The following GRID2 variants were observed in gnomAD, a reference collection of about 807,000 sequenced individuals.
The protein encoded by GRID2 is glutamate receptor ionotropic, delta-2.
Under a neutral mutation model 114.8 loss-of-function variants are expected in GRID2, and 33 were observed. That is an observed-to-expected ratio of 0.29 (90% CI 0.22 to 0.38). GRID2 has a LOEUF of 0.38. GRID2 is among the 10% of genes least tolerant of loss of function. GRID2 has a pLI of 1.00. For synonymous variants in GRID2, 505 were observed against 449.9 expected (o/e 1.12, Z -1.55); for missense variants, 1,184 against 1,257.7 (o/e 0.94, Z 0.89).
At chr4:93,645,679 T>C (rs6856229) in intron 14 of GRID2, among the ~76,000 whole-genome samples, 70,091 of 151,870 alleles carry the variant, frequency 0.46, 17,808 homozygotes, top group African/African-American at 0.68. Context: ...CTAATACATT[T>C]TGTGGACCTC....
chr4:93,220,408 G>A (rs1744737573), intron 6 of GRID2, among the ~76,000 whole-genome samples: 1 of 152,036 alleles, frequency 6.6e-6, no homozygotes, highest in African/African-American at 2.4e-5. Flanking sequence ...GTTCCTAAAG[G>A]CAGAAGATAG....
chr4:92,485,810 T>G (rs1191449679), intron 1 of GRID2, among the ~76,000 whole-genome samples: 1 of 152,212 alleles, frequency 6.6e-6, no homozygotes, highest in Non-Finnish European at 1.5e-5. Flanking sequence ...CTGCTCTGCA[T>G]TAATTTTATG....
intron 2 of GRID2, among the ~76,000 whole-genome samples, chr4:92,988,935 T>A (rs1560773570): frequency 6.6e-6 from 1 of 152,012 alleles, no homozygotes; most frequent in Non-Finnish European, 1.5e-5. Flanking sequence ...CCTATAATAT[T>A]TTAGGTCAAC....
chr4:92,380,760 A>G (rs993544771), intron 1 of GRID2, among the ~76,000 whole-genome samples: 1 of 152,048 alleles, frequency 6.6e-6, no homozygotes, highest in African/African-American at 2.4e-5. Context: ...TTCACTCTTC[A>G]GGGTACAATT....
intron 1 of GRID2, among the ~76,000 whole-genome samples, chr4:93,784,027 C>G (rs112615832): frequency 0.024 from 3,360 of 141,818 alleles, 139 homozygotes; most frequent in African/African-American, 0.085. Context: ...AGCCGAGATC[C>G]CGCCACTGCA....
chr4:92,613,873 G>A (rs556596901), intron 2 of GRID2, among the ~76,000 whole-genome samples: 2 of 149,948 alleles, frequency 1.3e-5, no homozygotes, highest in Non-Finnish European at 3.0e-5. Flanking sequence ...CCTTACTTCT[G>A]TTTAATTTGT....
intron 1 of GRID2, among the ~76,000 whole-genome samples, chr4:92,382,915 G>A (rs115764675): frequency 0.023 from 3,570 of 151,990 alleles, 126 homozygotes; most frequent in African/African-American, 0.081. Context: ...ATAAAGAAAA[G>A]AGGTTTAGTT....
chr4:93,680,026 G>A (rs367821418), intron 14 of GRID2, among the ~76,000 whole-genome samples: 3,126 of 150,902 alleles, frequency 0.021, 101 homozygotes, highest in Non-Finnish European at 0.027. Flanking sequence ...TTGATAGACC[G>A]CTAGCAAGAC....
chr4:92,478,850 A>G lies in GRID2; in HGVS notation c.89-111281A>G, dbSNP rs530326693. 2.0e-3 allele frequency among the ~76,000 whole-genome samples: 303 copies of G among 152,126 alleles called. 1 individual carries two copies. The highest frequency in any genetic ancestry group is 3.1e-3 in the Non-Finnish European group (210 of 68,000). ...TTTCTGTCCACATCTCCCTATCTGA[A>G]ATGTTTGCTAATAAGGTAATTCTGG... On this transcript the variant is annotated intron_variant, in intron 1 of 15. Coordinates refer to ENST00000282020, the MANE Select transcript of GRID2 (RefSeq NM_001510.4).
At chr4:93,345,230 T>G (rs1236164078) in intron 8 of GRID2, among the ~76,000 whole-genome samples, 1 of 152,042 alleles carries the variant, frequency 6.6e-6, no homozygotes, top group Non-Finnish European at 1.5e-5. Context: ...GGGAAACTTT[T>G]TATTGTTTTC....
chr4:92,583,245 T>C (rs1728264717), intron 1 of GRID2, among the ~76,000 whole-genome samples: 1 of 152,050 alleles, frequency 6.6e-6, no homozygotes, highest in South Asian at 2.1e-4. Context: ...GTACAGTTCC[T>C]AGTACTAAAA....
chr4:92,319,864 CCCACCTTGGCT>C (rs1230929826), intron 1 of GRID2, among the ~76,000 whole-genome samples: 4 of 152,124 alleles, frequency 2.6e-5, no homozygotes, highest in Non-Finnish European at 5.9e-5. Context: ...AACAATAGCT[CCCACCTTGGCT>C]GGGTCATTTT....
At chr4:92,959,052 CTCT>C (rs1482311369) in intron 2 of GRID2, among the ~76,000 whole-genome samples, 2 of 143,258 alleles carry the variant, frequency 1.4e-5, no homozygotes, top group Non-Finnish European at 3.0e-5. Context: ...TTTGAGTCCA[CTCT>C]TCTTTTTTTT....
chr4:92,864,617 A>G (rs1744740009), intron 2 of GRID2, among the ~76,000 whole-genome samples: 1 of 152,140 alleles, frequency 6.6e-6, no homozygotes, highest in Non-Finnish European at 1.5e-5. Flanking sequence ...ACCACACCCT[A>G]TTGCCTTTTG....
chr4:93,741,898 T>C (rs896795656), intron 14 of GRID2, among the ~76,000 whole-genome samples: 3 of 136,224 alleles, frequency 2.2e-5, no homozygotes, highest in African/African-American at 8.5e-5. Flanking sequence ...CACTCCAGCC[T>C]GGGTGACAAG....
intron 13 of GRID2, among the ~76,000 whole-genome samples, chr4:93,562,907 C>T (rs1735059010): frequency 6.6e-6 from 1 of 151,942 alleles, no homozygotes; most frequent in Admixed American, 6.6e-5. Flanking sequence ...CGTTCTTTTG[C>T]CAGTACCACA....
chr4:92,808,409 C>G (rs776732246), intron 2 of GRID2, among the ~76,000 whole-genome samples: 20 of 151,978 alleles, frequency 1.3e-4, no homozygotes, highest in Non-Finnish European at 2.5e-4. Context: ...GAATTTGTTA[C>G]TCAGTCATAA....
rs138231491 is a variant in GRID2 at position 92,770,525 on chromosome 4, G to A, written c.244+180239G>A. 2.9e-3 allele frequency among the ~76,000 whole-genome samples: 435 copies of A among 152,158 alleles called. 2 individuals carry two copies. Among genetic ancestry groups the A allele is most frequent in the African/African-American group, 9.9e-3 (409 of 41,502 alleles). ...TCATGTTGCTGATAAAGACATACCC[G>A]AGACTGGACAATTCATAAAATAAAG... On this transcript the variant is annotated intron_variant, in intron 2 of 15. Transcript: ENST00000282020.
chr4:93,511,451 A>T (rs576134489), intron 12 of GRID2, among the ~76,000 whole-genome samples: 1 of 152,186 alleles, frequency 6.6e-6, no homozygotes, highest in Non-Finnish European at 1.5e-5. Context: ...TGCTAGTCTG[A>T]TCAGAGAACA....
Sources: gnomAD v4.1 joint callset for allele counts (sites outside exome capture counted in the v4.1 genomes callset) on GRCh38, gnomAD v4.1.1 for gene constraint, MANE v1.5 for transcripts, NCBI Gene and HGNC (gene_info 2026-07-23, HGNC 2026-07-21) for gene names.